The following LMNB2 variants were observed in gnomAD, a reference collection of about 807,000 sequenced individuals.
LMNB2 encodes lamin B2.
A neutral mutation model predicts 69.3 loss-of-function variants in LMNB2; 17 were observed. That is an observed-to-expected ratio of 0.25 (90% CI 0.17 to 0.37). The LOEUF (loss-of-function observed/expected upper bound fraction) is 0.37, where lower values mean the gene tolerates loss of function less well. LMNB2 is among the 10% of genes least tolerant of loss of function. LMNB2 has a pLI of 1.00. For missense variants in LMNB2, 789 were observed against 883.6 expected (o/e 0.89, Z 1.36); for synonymous variants, 397 against 389.3 (o/e 1.02, Z -0.23).
Position 2,431,865 on chromosome 19 carries a change from G to A in LMNB2, c.1628C>T (p.Pro543Leu). The change falls in exon 10 of 12, where the codon CCC becomes CTC. Residue 543 changes from proline (P) to leucine (L), a missense_variant. Coordinates refer to ENST00000325327, the MANE Select transcript of LMNB2 (RefSeq NM_032737.4). ...CTGGCCCTTCCACACCAGCGTCGAGGGGGGGCTGTGGGCCACCCCCGCACC... is the reference window on the plus strand; with the variant it reads ...CTGGCCCTTCCACACCAGCGTCGAGAGGGGGCTGTGGGCCACCCCCGCACC... ...AAGAGVAHSPPSTLVWKGQSS... is the reference protein window; with the variant it reads ...AAGAGVAHSPLSTLVWKGQSS... The A allele has an allele frequency of 1.2e-6, 2 of 1,612,994 alleles. No homozygotes were observed. The highest frequency in any genetic ancestry group is 1.7e-6 in the Non-Finnish European group (2 of 1,179,908).
chr19:2,438,161 ACCT>A lies in LMNB2; in HGVS notation c.683_684+1del. ...AGGCTGGAGGCCAGGCCACTCACTC[ACCT>A]CCTCGAACACACTCTTCCGGAAGTC... On this transcript the variant is annotated splice_donor_variant and coding_sequence_variant, in exon 4 of 12. Coordinates refer to ENST00000325327, the MANE Select transcript of LMNB2 (RefSeq NM_032737.4). LOFTEE classifies it high-confidence loss of function. 1 of 1,613,538 alleles carries A rather than the reference ACCT, an allele frequency of 6.2e-7. No homozygotes were observed. The highest frequency in any genetic ancestry group is 8.5e-7 in the Non-Finnish European group (1 of 1,179,982).
At position 2,429,814 on chromosome 19, in the gene LMNB2, TGAGG is replaced by T. The variant is rs938394298; in HGVS notation, c.*1093_*1096del. ...TAAAAAAATAACTTCTGTGTATCTA[TGAGG>T]GAGGGTGTAAACGGTGAGCTATTGC... On this transcript the variant is annotated 3_prime_UTR_variant, in exon 12 of 12. Coordinates refer to ENST00000325327, the MANE Select transcript of LMNB2 (RefSeq NM_032737.4). 2.6e-5 allele frequency: 4 copies of T among 152,068 alleles called. No homozygotes were observed. The highest frequency in any genetic ancestry group is 4.8e-5 in the African/African-American group (2 of 41,364). 9.4% of individuals were successfully genotyped at this position (152,068 alleles called of 1,614,324 possible). A position where few individuals can be genotyped will look rare whatever the true frequency, so the allele number is the denominator to read the frequency against.
intron 2 of LMNB2, among the ~76,000 whole-genome samples, chr19:2,440,029 G>GT (rs1310806006): frequency 3.9e-5 from 6 of 151,986 alleles, no homozygotes; most frequent in Non-Finnish European, 8.8e-5. Context: ...ACTGCGCCTG[G>GT]TCCCCCAGGG....
intron 1 of LMNB2, among the ~76,000 whole-genome samples, chr19:2,444,994 G>A (rs1201479134): frequency 6.6e-6 from 1 of 152,192 alleles, no homozygotes; most frequent in Non-Finnish European, 1.5e-5. Context: ...CACGATGCCT[G>A]GCCATTAGAT....
At chr19:2,437,166 C>G (rs879533594) in intron 4 of LMNB2, 26 of 153,206 alleles carry the variant, frequency 1.7e-4, no homozygotes, top group African/African-American at 6.3e-4. Flanking sequence ...GCCCGGCCGG[C>G]CCCGGCATTC....
rs185308840 is a variant in LMNB2 at position 2,454,021 on chromosome 19, G to A, written c.264+2649C>T. 1.7e-3 allele frequency among the ~76,000 whole-genome samples: 256 copies of A among 152,180 alleles called. No individual in the cohort carries two copies. In the Middle Eastern group the frequency reaches 0.02, roughly 12 times the overall value. ...GAAAAGCAGGGGACTGGCCAGGCAC[G>A]GCGGCTCACACCTGTAATCCCAGTA... On this transcript the variant is annotated intron_variant, in intron 1 of 11. Transcript: ENST00000325327.
At position 2,447,294 on chromosome 19, in the gene LMNB2, T is replaced by A. The variant is rs1260659441; in HGVS notation, c.265-2754A>T. On this transcript the variant is annotated intron_variant, in intron 1 of 11. Coordinates refer to ENST00000325327, the MANE Select transcript of LMNB2 (RefSeq NM_032737.4). The surrounding 1 kb of genome is among the most constrained non-coding windows in gnomAD (Gnocchi z 4.4). ...CCACAGTGTGGATGCCCCTTGAGGATGTCACACTCATGAGACGCCAGACAC... is the reference window on the plus strand; with the variant it reads ...CCACAGTGTGGATGCCCCTTGAGGAAGTCACACTCATGAGACGCCAGACAC... Among the ~76,000 whole-genome samples the A allele has an allele frequency of 1.3e-5, 2 of 152,138 alleles. No individual in the cohort carries two copies.
intron 1 of LMNB2, among the ~76,000 whole-genome samples, chr19:2,448,186 C>T (rs923842202): frequency 6.6e-6 from 1 of 152,060 alleles, no homozygotes; most frequent in Non-Finnish European, 1.5e-5. Flanking sequence ...TCTAGAAAAA[C>T]CCAAATCAGG....
chr19:2,455,267 A>AC lies in LMNB2; in HGVS notation c.264+1402dup, dbSNP rs1432519713. On this transcript the variant is annotated intron_variant, in intron 1 of 11. Coordinates refer to ENST00000325327, the MANE Select transcript of LMNB2 (RefSeq NM_032737.4). Reference sequence around the variant, plus strand: ...GACTCACCCCAGAGACTCCAGGGAGACCCCCCACACACCCCATCTTGGGCC... The same window carrying AC: ...GACTCACCCCAGAGACTCCAGGGAGACCCCCCCACACACCCCATCTTGGGCC... Among the ~76,000 whole-genome samples, 21 of 149,206 alleles carry AC rather than the reference A, an allele frequency of 1.4e-4. No homozygotes were observed. The East Asian group carries it at 4.0e-3, about 28-fold the overall frequency.
At position 2,433,857 on chromosome 19, in the gene LMNB2, T is replaced by A. The variant is rs989697471; in HGVS notation, c.1451A>T (p.Lys484Met). ...VSIEEIDLEGKFVQLKNNSDK... is the reference protein window; with the variant it reads ...VSIEEIDLEGMFVQLKNNSDK... ...CGAGTTGTTCTTGAGCTGCACAAACTTGCCCTCCAGGTCGATCTCCTCGAT... is the reference window on the plus strand; with the variant it reads ...CGAGTTGTTCTTGAGCTGCACAAACATGCCCTCCAGGTCGATCTCCTCGAT... Residue 484 changes from lysine (K) to methionine (M), a missense_variant, in exon 8 of 12, where the codon AAG becomes ATG. By Grantham distance (95) the Lys-to-Met change is moderately conservative. Coordinates refer to ENST00000325327, the MANE Select transcript of LMNB2 (RefSeq NM_032737.4). The A allele has an allele frequency of 6.2e-7, 1 of 1,613,080 alleles. No homozygotes were observed. The highest frequency in any genetic ancestry group is 1.3e-5 in the African/African-American group (1 of 74,818).
At position 2,430,285 on chromosome 19, in the gene LMNB2, G is replaced by A. The variant is rs1021750581; in HGVS notation, c.*626C>T. The A allele has an allele frequency of 6.4e-5, 11 of 172,384 alleles. No individual in the cohort carries two copies. The highest frequency in any genetic ancestry group is 4.6e-4 in the East Asian group (3 of 6,538). 10.7% of individuals were successfully genotyped at this position (172,384 alleles called of 1,614,324 possible). On this transcript the variant is annotated 3_prime_UTR_variant, in exon 12 of 12. Transcript: ENST00000325327. ...GAAAACTCCCCCAAATAAAGTCAAC[G>A]GTCCGAGAAACCCGGCCGGTGCGCT...
intron 2 of LMNB2, among the ~76,000 whole-genome samples, chr19:2,439,296 G>T (rs938962126): frequency 6.6e-6 from 1 of 152,066 alleles, no homozygotes; most frequent in African/African-American, 2.4e-5. Flanking sequence ...CCAGGGTTCC[G>T]CAGCGTCACA....
At position 2,433,220 on chromosome 19, in the gene LMNB2, G is replaced by A. The variant is rs553734679; in HGVS notation, c.1482+606C>T. 7.5e-4 allele frequency among the ~76,000 whole-genome samples: 38 copies of A among 50,538 alleles called. 1 individual carries two copies. Among genetic ancestry groups the A allele is most frequent in the Non-Finnish European group, 1.1e-3 (29 of 27,298 alleles). 33.2% of individuals were successfully genotyped at this position (50,538 alleles called of 152,430 possible). A position where few individuals can be genotyped will look rare whatever the true frequency, so the allele number is the denominator to read the frequency against. ...CCTTGTCCCCTGCCTCGTATTGGCCGGCGGCCCCGTCACCCTGACCCTGAT... is the reference window on the plus strand; with the variant it reads ...CCTTGTCCCCTGCCTCGTATTGGCCAGCGGCCCCGTCACCCTGACCCTGAT... On this transcript the variant is annotated intron_variant, in intron 8 of 11. Coordinates refer to ENST00000325327, the MANE Select transcript of LMNB2 (RefSeq NM_032737.4).
Position 2,439,357 on chromosome 19 carries a change from C to T in LMNB2, c.402-826G>A, listed in dbSNP as rs371520693. 2.0e-4 allele frequency among the ~76,000 whole-genome samples: 30 copies of T among 151,734 alleles called. 1 individual carries two copies. Among genetic ancestry groups the T allele is most frequent in the Admixed American group, 1.4e-3 (22 of 15,258 alleles). On this transcript the variant is annotated intron_variant, in intron 2 of 11. Coordinates refer to ENST00000325327, the MANE Select transcript of LMNB2 (RefSeq NM_032737.4). ...AGTGAGGGCACCCAGGGTTCTGCAGCGTCACAACTGCTGACATTTGGGGTG... is the reference window on the plus strand; with the variant it reads ...AGTGAGGGCACCCAGGGTTCTGCAGTGTCACAACTGCTGACATTTGGGGTG...
chr19:2,433,102 C>G (rs1971766282), intron 8 of LMNB2, among the ~76,000 whole-genome samples: 1 of 129,382 alleles, frequency 7.7e-6, no homozygotes, highest in Non-Finnish European at 1.6e-5. Context: ...TTGTCCCCTG[C>G]CTCGCATTGG....
At chr19:2,451,646 C>A (rs1393145671) in intron 1 of LMNB2, among the ~76,000 whole-genome samples, 1 of 152,196 alleles carries the variant, frequency 6.6e-6, no homozygotes, top group Admixed American at 6.5e-5. Context: ...CTAGCAAGTG[C>A]TAGGCTTGAG....
intron 8 of LMNB2, 114 bp from the exon 9 acceptor site, chr19:2,432,637 A>C: frequency 1.2e-6 from 1 of 817,896 alleles, no homozygotes; most frequent in Non-Finnish European, 2.1e-6. Context: ...CAGCTAGGTC[A>C]CCCCATTACC....
Position 2,430,508 on chromosome 19 carries a change from G to A in LMNB2, c.*403C>T. 3.2e-6 allele frequency: 1 copy of A among 314,196 alleles called. No individual in the cohort carries two copies. Among genetic ancestry groups the A allele is most frequent in the Non-Finnish European group, 6.2e-6 (1 of 160,920 alleles). 19.5% of individuals were successfully genotyped at this position (314,196 alleles called of 1,614,324 possible). Reference sequence around the variant, plus strand: ...GATTCTGAATTTGGTTTTGTAGAAAGCCTTAAAAAAACCCACCACCACTGA... The same window carrying A: ...GATTCTGAATTTGGTTTTGTAGAAAACCTTAAAAAAACCCACCACCACTGA... On this transcript the variant is annotated 3_prime_UTR_variant, in exon 12 of 12. Coordinates refer to ENST00000325327, the MANE Select transcript of LMNB2 (RefSeq NM_032737.4).
At chr19:2,436,765 C>A in intron 4 of LMNB2, 1 of 158,356 alleles carries the variant, frequency 6.3e-6, no homozygotes, top group South Asian at 1.7e-4. Context: ...GGCCGCCCTT[C>A]CGCCCCCACG....
Sources: allele counts gnomAD v4.1 joint callset (sites outside exome capture counted in the v4.1 genomes callset), GRCh38; gene constraint gnomAD v4.1.1; non-coding constraint Gnocchi (gnomAD v3.1); transcripts MANE v1.5; gene names NCBI Gene and HGNC (gene_info 2026-07-23, HGNC 2026-07-21).